The following OCA2 variants were observed in gnomAD, a reference collection of about 807,000 sequenced individuals.
OCA2 encodes the protein OCA2 melanosomal transmembrane protein, also known as P protein.
A neutral mutation model predicts 100.2 loss-of-function variants in OCA2; 77 were observed. The ratio of observed to expected loss-of-function variants is 0.77; its 90% CI spans 0.64 to 0.93. The LOEUF (loss-of-function observed/expected upper bound fraction) is 0.93. Among genes scored for constraint, OCA2 ranks in the 40% least tolerant of loss-of-function variants. The pLI, the probability that OCA2 is intolerant of heterozygous loss-of-function variation, is 0.00. For missense variants in OCA2, 1,062 were observed against 1,089.1 expected (o/e 0.98, Z 0.35); for synonymous variants, 432 against 439.2 (o/e 0.98, Z 0.21).
intron 23 of OCA2, among the ~76,000 whole-genome samples, chr15:27,803,765 A>G (rs929682407): frequency 1.1e-4 from 16 of 152,360 alleles, no homozygotes; most frequent in Non-Finnish European, 1.2e-4. Flanking sequence ...ACCACAATTA[A>G]AAAACAGTGA....
intron 21 of OCA2, among the ~76,000 whole-genome samples, chr15:27,861,705 A>G (rs936796426): frequency 1.3e-5 from 2 of 152,162 alleles, no homozygotes; most frequent in African/African-American, 4.8e-5. Context: ...ATGTCCATGG[A>G]TTATGGAAGA....
chr15:27,820,022 C>G (rs974510000), intron 23 of OCA2, among the ~76,000 whole-genome samples: 4 of 152,014 alleles, frequency 2.6e-5, no homozygotes, highest in African/African-American at 4.8e-5. Flanking sequence ...GACACAGGCA[C>G]CAATGGAGAG....
chr15:27,805,741 A>AGCGCTG lies in OCA2; in HGVS notation c.2432+39212_2432+39217dup, dbSNP rs1182076128. ...TGCCGAGTGCCAGAGGTGCACAGTG[A>AGCGCTG]GCGCTGCCTGGAGAAGACCCTCCGC... On this transcript the variant is annotated intron_variant, in intron 23 of 23. Coordinates refer to ENST00000354638, the MANE Select transcript of OCA2 (RefSeq NM_000275.3). Among the ~76,000 whole-genome samples, 26 of 152,246 alleles carry AGCGCTG rather than the reference A, an allele frequency of 1.7e-4. No individual in the cohort carries two copies. In the South Asian group the frequency reaches 3.5e-3, roughly 21 times the overall value.
intron 23 of OCA2, among the ~76,000 whole-genome samples, chr15:27,774,747 G>A (rs1566952973): frequency 1.3e-5 from 2 of 152,196 alleles, no homozygotes; most frequent in South Asian, 2.1e-4. Flanking sequence ...GGGAAAACAG[G>A]TGTCCTTATA....
At chr15:28,070,925 G>A (rs1595909196) in intron 2 of OCA2, among the ~76,000 whole-genome samples, 2 of 146,914 alleles carry the variant, frequency 1.4e-5, no homozygotes, top group South Asian at 2.2e-4. Context: ...GATTAAGGGC[G>A]GTACAAGATG....
chr15:28,072,962 A>C (rs1239478870), intron 2 of OCA2, among the ~76,000 whole-genome samples: 5 of 152,224 alleles, frequency 3.3e-5, no homozygotes, highest in Non-Finnish European at 7.3e-5. Context: ...GATATGCAAA[A>C]GAAAAATCAT....
rs2039098229 is a variant in OCA2, at chr15:27,927,798, T to C, written c.1952-1544A>G. On this transcript the variant is annotated intron_variant, in intron 18 of 23. Transcript: ENST00000354638. The stretch of plus-strand genomic sequence containing the variant: ...ACTTTGAGCATCTTTTTTTTTTTTT[T>C]TTTTTTTTTTTGAGATGGAGTCTTA... Among the ~76,000 whole-genome samples, 3 of 144,276 alleles carry C rather than the reference T, an allele frequency of 2.1e-5. No individual in the cohort carries two copies. In the South Asian group the frequency reaches 6.9e-4, roughly 33 times the overall value. The allele number at this position is 144,276 out of a possible 152,430, so 94.7% of individuals were successfully genotyped here. A position where few individuals can be genotyped will look rare whatever the true frequency, so the allele number is the denominator to read the frequency against.
intron 2 of OCA2, among the ~76,000 whole-genome samples, chr15:28,080,396 T>C (rs2044581239): frequency 6.6e-6 from 1 of 152,220 alleles, no homozygotes; most frequent in Non-Finnish European, 1.5e-5. Flanking sequence ...CATGTATTAA[T>C]GGTAGCATAT....
intron 12 of OCA2, among the ~76,000 whole-genome samples, chr15:27,985,624 T>TG (rs2041327925): frequency 6.6e-6 from 1 of 152,012 alleles, no homozygotes; most frequent in African/African-American, 2.4e-5. Flanking sequence ...ATGTATAAGG[T>TG]GGGGCTCAAA....
At chr15:27,845,815 A>G (rs57246725) in intron 22 of OCA2, among the ~76,000 whole-genome samples, 32,197 of 152,062 alleles carry the variant, frequency 0.21, 4,206 homozygotes, top group East Asian at 0.56. Context: ...GTCGCCTTCC[A>G]TCTCCATCTC....
At chr15:27,868,097 T>C (rs112039860) in intron 21 of OCA2, among the ~76,000 whole-genome samples, 2,852 of 152,270 alleles carry the variant, frequency 0.019, 93 homozygotes, top group African/African-American at 0.065. Context: ...AGCCGCAGTG[T>C]GCAGAAGCTG....
chr15:27,730,667 T>C, the OCA2 span, among the ~76,000 whole-genome samples: 11 of 148,230 alleles, frequency 7.4e-5, no homozygotes, highest in Non-Finnish European at 1.2e-4. Flanking sequence ...CAAAAAACAC[T>C]GTTAACACTC....
At chr15:28,008,355 TG>T (rs1436725912) in intron 9 of OCA2, among the ~76,000 whole-genome samples, 1 of 152,266 alleles carries the variant, frequency 6.6e-6, no homozygotes, top group East Asian at 1.9e-4. Context: ...ATACTTGTCC[TG>T]GCATGCTTAT....
chr15:27,962,899 C>T (rs1449368035), intron 15 of OCA2, among the ~76,000 whole-genome samples: 1 of 152,034 alleles, frequency 6.6e-6, no homozygotes, highest in Non-Finnish European at 1.5e-5. Context: ...CTTACAAGAA[C>T]TGTACTTTAA....
intron 21 of OCA2, among the ~76,000 whole-genome samples, chr15:27,864,547 C>T (rs1020396725): frequency 2.6e-5 from 4 of 152,066 alleles, no homozygotes; most frequent in African/African-American, 7.2e-5. Context: ...TGATACCTCC[C>T]GCAGGGCTAT....
intron 19 of OCA2, among the ~76,000 whole-genome samples, chr15:27,900,569 A>C (rs918502839): frequency 2.0e-5 from 3 of 152,238 alleles, no homozygotes; most frequent in Non-Finnish European, 2.9e-5. Context: ...TAAACCAAGA[A>C]GACAAGAACC....
intron 9 of OCA2, among the ~76,000 whole-genome samples, chr15:28,013,978 A>G (rs143793055): frequency 0.014 from 2,081 of 152,204 alleles, 44 homozygotes; most frequent in African/African-American, 0.048. Context: ...TTCCTCAGCA[A>G]GTGTACTCAA....
intron 21 of OCA2, among the ~76,000 whole-genome samples, chr15:27,862,036 C>A (rs2036151256): frequency 6.6e-6 from 1 of 152,230 alleles, no homozygotes; most frequent in Non-Finnish European, 1.5e-5. Flanking sequence ...TTTACGTCCT[C>A]ACAGACAGAA....
intron 23 of OCA2, among the ~76,000 whole-genome samples, chr15:27,797,272 A>G (rs1216946201): frequency 1.3e-5 from 2 of 152,202 alleles, no homozygotes; most frequent in African/African-American, 4.8e-5. Context: ...GTCCTCAAGA[A>G]TCCCCTGCAA....
Sources: allele counts gnomAD v4.1 joint callset (sites outside exome capture counted in the v4.1 genomes callset), GRCh38; gene constraint gnomAD v4.1.1; transcripts MANE v1.5; gene names NCBI Gene and HGNC (gene_info 2026-07-23, HGNC 2026-07-21).